Variants in NRDC observed in about 807,000 individuals in gnomAD.
NRDC encodes nardilysin convertase.
A neutral mutation model predicts 147.1 loss-of-function variants in NRDC; 54 were observed. That is an observed-to-expected ratio of 0.37 (90% CI 0.29 to 0.46). The LOEUF (loss-of-function observed/expected upper bound fraction) is 0.46, where lower values mean the gene tolerates loss of function less well. NRDC is among the 20% of genes least tolerant of loss of function. The probability of loss-of-function intolerance (pLI) is 1.00; values close to 1 mark genes in which losing one functional copy is unlikely to be tolerated. For missense variants in NRDC, 1,082 were observed against 1,370.6 expected (o/e 0.79, Z 3.33); for synonymous variants, 440 against 482.1 (o/e 0.91, Z 1.14).
At chr1:51,865,309 T>C (rs553327871) in intron 1 of NRDC, among the ~76,000 whole-genome samples, 11 of 151,434 alleles carry the variant, frequency 7.3e-5, no homozygotes, top group African/African-American at 2.4e-4. Context: ...TTTTTCGTTT[T>C]GTTTTTTTTT....
At chr1:51,823,495 C>G (rs1039067047) in intron 7 of NRDC, among the ~76,000 whole-genome samples, 169 bp downstream of exon 7, 1 of 152,134 alleles carries the variant, frequency 6.6e-6, no homozygotes, top group East Asian at 1.9e-4. Context: ...TTGTGTTTCC[C>G]TGAGCTTTGC....
chr1:51,833,326 G>A (rs558266646), intron 4 of NRDC, among the ~76,000 whole-genome samples: 2 of 151,590 alleles, frequency 1.3e-5, no homozygotes, highest in East Asian at 1.9e-4. Flanking sequence ...AGCTGGGAGC[G>A]GTGGCACATT....
At position 51,878,508 on chromosome 1, in the gene NRDC, G is replaced by A. The variant is rs771886361; in HGVS notation, c.108C>T (p.Cys36=). 6.2e-6 allele frequency: 10 copies of A among 1,613,714 alleles called. No homozygotes were observed. Among genetic ancestry groups the A allele is most frequent in the Non-Finnish European group, 5.1e-6 (6 of 1,179,914 alleles). The change falls in exon 1 of 31, where the codon TGC becomes TGT. Residue 36 remains cysteine, a synonymous_variant. Transcript: ENST00000352171. ...AGGGTCTGGCAGCAGCAGAGTCTTC[G>A]CACCGACCCCGCGTTTCGATTCCCC... The part of the protein sequence containing the change: ...ALWGIETRGR[C]EDSAAARPFP...
chr1:51,874,145 TAAA>T (rs539045743), intron 1 of NRDC, among the ~76,000 whole-genome samples: 1 of 129,162 alleles, frequency 7.7e-6, no homozygotes, highest in Non-Finnish European at 1.7e-5. Context: ...TTTTAATCAT[TAAA>T]AAAAAAAAAA....
At chr1:51,829,965 C>CTTTTTTTTTTT (rs941972546) in intron 4 of NRDC, among the ~76,000 whole-genome samples, 9 of 131,276 alleles carry the variant, frequency 6.9e-5, no homozygotes, top group African/African-American at 1.5e-4. Context: ...TCTTTTATTT[C>CTTTTTTTTTTT]TTTTTTTTTT....
At position 51,789,386 on chromosome 1, in the gene NRDC, A is replaced by G. The variant is rs111665244; in HGVS notation, c.3306T>C (p.Ser1102=). The part of the protein sequence containing the change: ...KYELEEDGTP[S]SEDSNSSCEV... ...CACAAGAAGAATTTGAATCCTCACT[A>G]GAAGGGGTACCATCCTCTTCCAGTT... Residue 1102 remains serine, a synonymous_variant, in exon 31 of 31, where the codon TCT becomes TCC. Transcript: ENST00000352171. The G allele has an allele frequency of 1.2e-6, 2 of 1,614,156 alleles. No homozygotes were observed. Among genetic ancestry groups the G allele is most frequent in the Non-Finnish European group, 1.7e-6 (2 of 1,180,002 alleles).
intron 29 of NRDC, 66 bp downstream of exon 29, chr1:51,790,467 C>T (rs1678564101): frequency 3.2e-6 from 3 of 951,284 alleles, no homozygotes; most frequent in Non-Finnish European, 5.1e-6. Context: ...GTGCACAGAC[C>T]TGTGATGCCT....
At position 51,819,896 on chromosome 1, in the gene NRDC, C is replaced by T. The variant is rs768685383; in HGVS notation, c.1218-23G>A. 7.0e-6 allele frequency: 11 copies of T among 1,574,466 alleles called. No individual in the cohort carries two copies. The Admixed American group carries it at 1.9e-4, about 27-fold the overall frequency. On this transcript the variant is annotated intron_variant, in intron 8 of 30. Transcript: ENST00000352171. ...CCACTGAAAATAAAACAAATACATA[C>T]AAATTTAACTGGCAAAAGCCTTTAT...
intron 13 of NRDC, 121 bp downstream of exon 13, chr1:51,814,430 A>G: frequency 1.1e-6 from 1 of 890,110 alleles, no homozygotes; most frequent in Non-Finnish European, 1.8e-6. Context: ...TCAATAAAGG[A>G]AATAGAGCAG....
intron 22 of NRDC, among the ~76,000 whole-genome samples, chr1:51,796,519 C>A (rs1030664904): frequency 6.6e-6 from 1 of 151,916 alleles, no homozygotes; most frequent in African/African-American, 2.4e-5. Flanking sequence ...GGATTACAGG[C>A]GTGGGCCGCC....
intron 1 of NRDC, among the ~76,000 whole-genome samples, chr1:51,846,540 C>T (rs1681607168): frequency 6.6e-6 from 1 of 152,256 alleles, no homozygotes; most frequent in Non-Finnish European, 1.5e-5. Flanking sequence ...TTAAAAGCGG[C>T]TTGTTTGGAG....
chr1:51,873,279 G>C (rs927392073), intron 1 of NRDC, among the ~76,000 whole-genome samples: 5 of 152,090 alleles, frequency 3.3e-5, no homozygotes, highest in Non-Finnish European at 7.4e-5. Flanking sequence ...AAAGGCTTCT[G>C]CTCAGAAGTG....
At chr1:51,805,405 A>G (rs138188251) in intron 19 of NRDC, 105 bp downstream of exon 19, 3 of 837,892 alleles carry the variant, frequency 3.6e-6, no homozygotes, top group African/African-American at 3.6e-5. Flanking sequence ...TCAGCAACAT[A>G]GCTCAAATAT....
chr1:51,798,788 A>G (rs1425016526), intron 21 of NRDC: 2 of 168,548 alleles, frequency 1.2e-5, no homozygotes, highest in Non-Finnish European at 2.6e-5. Context: ...ATCATTTGGG[A>G]TATCTATTAC....
intron 1 of NRDC, among the ~76,000 whole-genome samples, chr1:51,850,812 T>C (rs1256614297): frequency 3.3e-5 from 5 of 152,150 alleles, no homozygotes; most frequent in South Asian, 4.1e-4. Context: ...CTGCAAATCA[T>C]AGGGGAGGTC....
chr1:51,840,470 T>C lies in NRDC; in HGVS notation c.386A>G (p.Asp129Gly). The C allele has an allele frequency of 6.2e-7, 1 of 1,612,026 alleles. No individual in the cohort carries two copies. ...QNGLQALLIS[D>G]LSNMEGKTGN... ...TGTTTTACCTTCCATATTACTTAGGTCTGAAATCAGAAGTGCCTGCAAGCC... is the reference window on the plus strand; with the variant it reads ...TGTTTTACCTTCCATATTACTTAGGCCTGAAATCAGAAGTGCCTGCAAGCC... Residue 129 changes from aspartate (D) to glycine (G), a missense_variant, in exon 2 of 31, where the codon GAC (aspartate) becomes GGC (glycine). Physicochemically the swap from Asp to Gly is moderately conservative, Grantham distance 94 (BLOSUM62 -1). Around this residue, in one of 3 missense-constraint regions of NRDC, gnomAD observed 260 missense variants for 253.2 expected, o/e 1.03. Transcript: ENST00000352171.
intron 1 of NRDC, among the ~76,000 whole-genome samples, chr1:51,855,543 A>G (rs1359207697): frequency 6.6e-6 from 1 of 152,200 alleles, no homozygotes; most frequent in African/African-American, 2.4e-5. Flanking sequence ...TTTTTATAAA[A>G]CAATATCATA....
intron 1 of NRDC, among the ~76,000 whole-genome samples, chr1:51,850,179 A>G (rs905121673): frequency 6.6e-6 from 1 of 152,012 alleles, no homozygotes; most frequent in Non-Finnish European, 1.5e-5. Flanking sequence ...TCTATCTCAA[A>G]AAAAAATAAT....
At chr1:51,795,273 T>A in intron 22 of NRDC, 1 of 1,153,304 alleles carries the variant, frequency 8.7e-7, no homozygotes, top group Non-Finnish European at 1.1e-6. Context: ...TTCTTAAGAA[T>A]TCTGTTTTCT....
Sources: allele counts gnomAD v4.1 joint callset (sites outside exome capture counted in the v4.1 genomes callset), GRCh38; gene constraint gnomAD v4.1.1; regional missense constraint gnomAD v4.1.1; transcripts MANE v1.5; gene names NCBI Gene and HGNC (gene_info 2026-07-23, HGNC 2026-07-21).